WDFY2: variants seen among roughly 807,000 people sequenced by gnomAD.
The protein encoded by WDFY2 is WD repeat and FYVE domain containing 2.
In WDFY2, 36 loss-of-function variants were observed where a neutral mutation model predicts 56.4. That is an observed-to-expected ratio of 0.64 (90% CI 0.49 to 0.84). The LOEUF (loss-of-function observed/expected upper bound fraction) is 0.84, where lower values mean the gene tolerates loss of function less well. WDFY2 is among the 40% of genes least tolerant of loss of function. The pLI is 0.00. For synonymous variants in WDFY2, 176 were observed against 183.7 expected, an observed-to-expected ratio of 0.96 and a Z score of 0.34; for missense variants, 444 against 512.2, an observed-to-expected ratio of 0.87 and a Z score of 1.29.
At chr13:51,631,109 AAGCTGGG>A (rs1444915713) in intron 1 of WDFY2, among the ~76,000 whole-genome samples, 3 of 149,394 alleles carry the variant, frequency 2.0e-5, no homozygotes, top group African/African-American at 7.3e-5. Context: ...GAAAGAAAAC[AAGCTGGG>A]CATGGTGGCT....
chr13:51,715,942 C>A (rs1338950704), intron 4 of WDFY2, among the ~76,000 whole-genome samples: 1 of 152,050 alleles, frequency 6.6e-6, no homozygotes, highest in Non-Finnish European at 1.5e-5. Context: ...CTCTTCATAA[C>A]AACGTTATTC....
chr13:51,713,213 C>CA (rs1566167970), intron 4 of WDFY2, among the ~76,000 whole-genome samples: 1 of 152,036 alleles, frequency 6.6e-6, no homozygotes. Context: ...ATAATGGGTA[C>CA]AAAAAACTAA....
chr13:51,764,426 CT>C lies in WDFY2; in HGVS notation c.*4660del, dbSNP rs1407231907. The C allele has an allele frequency of 2.0e-5, 3 of 152,892 alleles. No homozygotes were observed. The highest frequency in any genetic ancestry group is 7.2e-5 in the African/African-American group (3 of 41,456). The allele number at this position is 152,892 out of a possible 1,614,324, so 9.5% of individuals were successfully genotyped here. A position where few individuals can be genotyped will look rare whatever the true frequency, so the allele number is the denominator to read the frequency against. On this transcript the variant is annotated 3_prime_UTR_variant, in exon 12 of 12. Transcript: ENST00000298125. ...TCATAAGGGGGAAAAATGGAAATGA[CT>C]TTCCAGGCTTCAGAAACAGCATAAA...
chr13:51,660,561 A>G (rs779650498), intron 1 of WDFY2, 35 bp from the exon 2 acceptor site: 2 of 1,587,394 alleles, frequency 1.3e-6, no homozygotes. Context: ...GCTAAGAATA[A>G]TGTGATTTCA....
chr13:51,633,522 C>G (rs968689093), intron 1 of WDFY2, among the ~76,000 whole-genome samples: 4 of 152,148 alleles, frequency 2.6e-5, no homozygotes, highest in African/African-American at 9.7e-5. Flanking sequence ...TGTGGGTGTT[C>G]TGGGAACTGG....
chr13:51,681,428 G>C (rs1317523024), intron 3 of WDFY2, among the ~76,000 whole-genome samples: 3 of 152,152 alleles, frequency 2.0e-5, no homozygotes, highest in South Asian at 2.1e-4. Flanking sequence ...TCTGTGTTCA[G>C]AGAAATGTGT....
intron 3 of WDFY2, among the ~76,000 whole-genome samples, chr13:51,691,163 G>C (rs1175625133): frequency 6.6e-6 from 1 of 152,044 alleles, no homozygotes; most frequent in Non-Finnish European, 1.5e-5. Context: ...TCACTCTGAT[G>C]GTAGTTTCTT....
rs560012006 is a variant in WDFY2, at chr13:51,616,963, T to C, written c.137+32139T>C. 8.5e-5 allele frequency among the ~76,000 whole-genome samples: 13 copies of C among 152,370 alleles called. No individual in the cohort carries two copies. The South Asian group carries it at 2.7e-3, about 32-fold the overall frequency. On this transcript the variant is annotated intron_variant, in intron 1 of 11. Coordinates refer to ENST00000298125, the MANE Select transcript of WDFY2 (RefSeq NM_052950.4). ...GTTTTCTATTTATTAAATCAAAAGA[T>C]ATTTGTTGAGTTCATGTCATTGTGA...
chr13:51,669,902 A>AT (rs1955777209), intron 2 of WDFY2, among the ~76,000 whole-genome samples: 1 of 152,186 alleles, frequency 6.6e-6, no homozygotes, highest in African/African-American at 2.4e-5. Context: ...GTATCATGCT[A>AT]TATTTATTTC....
Position 51,751,321 on chromosome 13 carries a change from A to G in WDFY2, c.737A>G (p.Gln246Arg). 1 of 1,613,662 alleles carries G rather than the reference A, an allele frequency of 6.2e-7. No homozygotes were observed. Among genetic ancestry groups the G allele is most frequent in the South Asian group, 1.1e-5 (1 of 91,050 alleles). ...GGTTTCTTTCACAGCGACAGAGTCC[A>G]GGCCCTCTCCTATGCACAGCACACG... ...IELQGHNDRV[Q>R]ALSYAQHTRQ... The change falls in exon 8 of 12, where the codon CAG becomes CGG. Residue 246 changes from glutamine to arginine, a missense_variant. By Grantham distance (43) the Gln-to-Arg change is conservative. Coordinates refer to ENST00000298125, the MANE Select transcript of WDFY2 (RefSeq NM_052950.4).
At chr13:51,667,700 C>A (rs945314542) in intron 2 of WDFY2, among the ~76,000 whole-genome samples, 1 of 151,962 alleles carries the variant, frequency 6.6e-6, no homozygotes, top group Non-Finnish European at 1.5e-5. Context: ...TTCAAAAAAA[C>A]CTCTGGGTTC....
chr13:51,754,150 C>T (rs1284049720), intron 8 of WDFY2, among the ~76,000 whole-genome samples: 2 of 151,612 alleles, frequency 1.3e-5, no homozygotes, highest in African/African-American at 4.8e-5. Flanking sequence ...GTTCTATTTC[C>T]AACTTTTGCC....
chr13:51,731,252 T>G (rs1417854028), intron 6 of WDFY2, among the ~76,000 whole-genome samples: 1 of 152,170 alleles, frequency 6.6e-6, no homozygotes, highest in African/African-American at 2.4e-5. Context: ...GTATGGTGGC[T>G]GATAGGAGCT....
At chr13:51,713,250 C>T (rs1952265002) in intron 4 of WDFY2, among the ~76,000 whole-genome samples, 1 of 152,098 alleles carries the variant, frequency 6.6e-6, no homozygotes, top group Non-Finnish European at 1.5e-5. Flanking sequence ...TAAAATCCAG[C>T]AATATGTAAA....
chr13:51,591,664 A>G (rs1057385134), intron 1 of WDFY2: 6 of 152,200 alleles, frequency 3.9e-5, no homozygotes, highest in African/African-American at 1.4e-4. Flanking sequence ...ATAAGATCCT[A>G]GTTGTGACCG....
At chr13:51,648,776 G>A (rs1955310419) in intron 1 of WDFY2, among the ~76,000 whole-genome samples, 1 of 152,080 alleles carries the variant, frequency 6.6e-6, no homozygotes, top group African/African-American at 2.4e-5. Flanking sequence ...TACAGAATAG[G>A]GCTGATATTT....
At chr13:51,681,282 A>G (rs1221308291) in intron 3 of WDFY2, among the ~76,000 whole-genome samples, 2 of 152,126 alleles carry the variant, frequency 1.3e-5, no homozygotes, top group Non-Finnish European at 2.9e-5. Context: ...ATGCATTCCA[A>G]GTTTTGTACT....
intron 1 of WDFY2, among the ~76,000 whole-genome samples, chr13:51,653,247 C>T (rs1955437790): frequency 6.6e-6 from 1 of 152,194 alleles, no homozygotes; most frequent in South Asian, 2.1e-4. Flanking sequence ...CCGTGGTTTT[C>T]AGCTCCATCA....
intron 7 of WDFY2, among the ~76,000 whole-genome samples, chr13:51,749,462 A>G (rs1215894490): frequency 6.6e-6 from 1 of 152,186 alleles, no homozygotes; most frequent in African/African-American, 2.4e-5. Context: ...TTAACCAGAG[A>G]AACTAATTTA....
Sources: gnomAD v4.1 joint callset for allele counts (sites outside exome capture counted in the v4.1 genomes callset) on GRCh38, gnomAD v4.1.1 for gene constraint, MANE v1.5 for transcripts, NCBI Gene and HGNC (gene_info 2026-07-23, HGNC 2026-07-21) for gene names.